PTPRD: variants seen among roughly 807,000 people sequenced by gnomAD.
The protein encoded by PTPRD is protein tyrosine phosphatase receptor type D.
PTPRD carries 34 observed loss-of-function variants against 214.5 expected under a neutral mutation model. The observed-to-expected ratio is 0.16, with a 90% CI of 0.12 to 0.21. PTPRD has a LOEUF of 0.21. Among genes scored for constraint, PTPRD ranks in the 10% least tolerant of loss-of-function variants. The probability of loss-of-function intolerance (pLI) is 1.00; values close to 1 mark genes in which losing one functional copy is unlikely to be tolerated. For synonymous variants in PTPRD, 1,128 were observed against 845.7 expected (o/e 1.33, Z -5.79); for missense variants, 2,545 against 2,398.7 (o/e 1.06, Z -1.27).
In PTPRD at chr9:9,141,025, T is replaced by G. The variant is rs1438980701; in HGVS notation, c.-143+42279A>C. On this transcript the variant is annotated intron_variant, in intron 10 of 45. Coordinates refer to ENST00000381196, the MANE Select transcript of PTPRD (RefSeq NM_002839.4). Reference sequence around the variant, plus strand: ...ACATATAAACAAAATTATATGGAATTCAAGCTTGGTGTTTAAATCCTGTAA... The same window carrying G: ...ACATATAAACAAAATTATATGGAATGCAAGCTTGGTGTTTAAATCCTGTAA... Among the ~76,000 whole-genome samples, 30 of 152,090 alleles carry G rather than the reference T, an allele frequency of 2.0e-4. 1 individual carries two copies. The highest frequency in any genetic ancestry group is 2.0e-3 in the Admixed American group (30 of 15,276).
At chr9:9,096,764 A>G (rs1268703997) in intron 10 of PTPRD, among the ~76,000 whole-genome samples, 1 of 152,204 alleles carries the variant, frequency 6.6e-6, no homozygotes, top group Non-Finnish European at 1.5e-5. Context: ...TATTATGATT[A>G]TGTGTTGTGC....
At chr9:9,943,852 G>C (rs530210293) in intron 4 of PTPRD, among the ~76,000 whole-genome samples, 16 of 152,108 alleles carry the variant, frequency 1.1e-4, no homozygotes, top group Non-Finnish European at 2.2e-4. Flanking sequence ...TGCTGGGAGT[G>C]CTGCTGGACT....
At chr9:9,730,280 A>T (rs2098166027) in intron 7 of PTPRD, among the ~76,000 whole-genome samples, 1 of 152,176 alleles carries the variant, frequency 6.6e-6, no homozygotes, top group Admixed American at 6.6e-5. Flanking sequence ...GTTAAAAAAA[A>T]TTCAGGACGG....
intron 8 of PTPRD, among the ~76,000 whole-genome samples, chr9:9,406,834 CTCTT>C (rs1267783034): frequency 2.9e-5 from 3 of 104,850 alleles, no homozygotes; most frequent in African/African-American, 7.5e-5. Flanking sequence ...CTAATATGAA[CTCTT>C]TCTTCTTTCT....
chr9:9,360,841 C>A (rs1351551295), intron 9 of PTPRD, among the ~76,000 whole-genome samples: 1 of 150,874 alleles, frequency 6.6e-6, no homozygotes, highest in Non-Finnish European at 1.5e-5. Flanking sequence ...TTTGATAAGT[C>A]AAGAGTACTG....
At chr9:9,073,993 G>C (rs1288248397) in intron 10 of PTPRD, among the ~76,000 whole-genome samples, 1 of 151,934 alleles carries the variant, frequency 6.6e-6, no homozygotes, top group Non-Finnish European at 1.5e-5. Context: ...AGAAAAGTGG[G>C]AATTATGTGA....
At chr9:9,735,501 T>C (rs1019894481) in intron 6 of PTPRD, among the ~76,000 whole-genome samples, 1 of 152,124 alleles carries the variant, frequency 6.6e-6, no homozygotes, top group African/African-American at 2.4e-5. Context: ...TATGTGCATA[T>C]GAATATGTGT....
chr9:9,643,339 T>A (rs1052865810), intron 7 of PTPRD, among the ~76,000 whole-genome samples: 1 of 152,150 alleles, frequency 6.6e-6, no homozygotes, highest in African/African-American at 2.4e-5. Flanking sequence ...TAGAAAGCCC[T>A]AGGCTTTTTA....
At chr9:8,417,744 A>G (rs959122878) in intron 35 of PTPRD, among the ~76,000 whole-genome samples, 1 of 152,142 alleles carries the variant, frequency 6.6e-6, no homozygotes, top group African/African-American at 2.4e-5. Context: ...GCTGCCAGTG[A>G]AAGAGGCATA....
chr9:9,923,894 CAG>C (rs1186899950), intron 5 of PTPRD, among the ~76,000 whole-genome samples: 1 of 151,846 alleles, frequency 6.6e-6, no homozygotes, highest in Non-Finnish European at 1.5e-5. Flanking sequence ...AAAACAAAGA[CAG>C]GGAGTCTTAG....
intron 35 of PTPRD, among the ~76,000 whole-genome samples, chr9:8,406,501 T>A (rs1453834952): frequency 2.6e-5 from 4 of 152,224 alleles, no homozygotes; most frequent in Non-Finnish European, 5.9e-5. Context: ...TGGCTGCCTG[T>A]TTAATAACTT....
chr9:10,134,149 G>C (rs1462081629), intron 3 of PTPRD, among the ~76,000 whole-genome samples: 4 of 152,064 alleles, frequency 2.6e-5, no homozygotes, highest in Admixed American at 6.6e-5. Flanking sequence ...TACTGCATCA[G>C]TACACCACCC....
intron 3 of PTPRD, among the ~76,000 whole-genome samples, chr9:10,127,559 G>T (rs1254652342): frequency 6.6e-6 from 1 of 152,034 alleles, no homozygotes; most frequent in Non-Finnish European, 1.5e-5. Context: ...GGACAAGTAG[G>T]ACACAACTTG....
intron 10 of PTPRD, among the ~76,000 whole-genome samples, chr9:9,050,322 A>G (rs2099682438): frequency 6.6e-6 from 1 of 152,220 alleles, no homozygotes; most frequent in African/African-American, 2.4e-5. Flanking sequence ...AAGGCAGTAA[A>G]GTTCAGAAAT....
intron 3 of PTPRD, among the ~76,000 whole-genome samples, chr9:10,065,605 T>C (rs561473799): frequency 6.6e-6 from 1 of 152,074 alleles, no homozygotes; most frequent in African/African-American, 2.4e-5. Flanking sequence ...GAAATGTTCT[T>C]TTAAAAAATT....
intron 7 of PTPRD, among the ~76,000 whole-genome samples, chr9:9,575,970 G>A (rs2088583942): frequency 6.6e-6 from 1 of 151,926 alleles, no homozygotes; most frequent in Non-Finnish European, 1.5e-5. Context: ...AGTAGTACTT[G>A]CAAACTCTTT....
chr9:9,660,002 T>C (rs933288938), intron 7 of PTPRD, among the ~76,000 whole-genome samples: 1 of 152,096 alleles, frequency 6.6e-6, no homozygotes, highest in Non-Finnish European at 1.5e-5. Flanking sequence ...GTATAATACA[T>C]AGTCACAAAT....
At chr9:9,479,156 C>T (rs1163240732) in intron 8 of PTPRD, among the ~76,000 whole-genome samples, 1 of 147,184 alleles carries the variant, frequency 6.8e-6, no homozygotes, top group Non-Finnish European at 1.5e-5. Context: ...TTTTATTGTC[C>T]AAAAATAGTT....
At chr9:9,775,192 T>A (rs571131669) in intron 5 of PTPRD, among the ~76,000 whole-genome samples, 1 of 152,332 alleles carries the variant, frequency 6.6e-6, no homozygotes, top group East Asian at 1.9e-4. Context: ...CATTTTCCTG[T>A]GTCTTTTTAA....
Sources: allele counts gnomAD v4.1 joint callset (sites outside exome capture counted in the v4.1 genomes callset), GRCh38; gene constraint gnomAD v4.1.1; transcripts MANE v1.5; gene names NCBI Gene and HGNC (gene_info 2026-07-23, HGNC 2026-07-21).